The following CATSPERB variants were observed in gnomAD, a reference collection of about 807,000 sequenced individuals.
The protein encoded by CATSPERB is catsper channel auxiliary subunit beta, also known as cation channel sperm-associated auxiliary subunit beta.
Under a neutral mutation model 128.3 loss-of-function variants are expected in CATSPERB, and 93 were observed. The ratio of observed to expected loss-of-function variants is 0.72; its 90% CI spans 0.61 to 0.86. The LOEUF is 0.86. Ranked by LOEUF, CATSPERB falls within the 40% of genes least tolerant of loss-of-function variation. CATSPERB has a pLI of 0.00. For missense variants in CATSPERB, 1,153 were observed against 1,329.5 expected, an observed-to-expected ratio of 0.87 and a Z score of 2.06; for synonymous variants, 381 against 448.8, an observed-to-expected ratio of 0.85 and a Z score of 1.91.
intron 15 of CATSPERB, among the ~76,000 whole-genome samples, chr14:91,649,329 ATATGTGTGTGTG>A (rs893453218): frequency 2.3e-3 from 98 of 42,382 alleles, no homozygotes; most frequent in Non-Finnish European, 6.9e-4. Flanking sequence ...ATGTATACAT[ATATGTGTGTGTG>A]TGTGTGTGTG....
At chr14:91,709,694 A>T (rs1895802776) in intron 5 of CATSPERB, 1 of 149,040 alleles carries the variant, frequency 6.7e-6, no homozygotes, top group Admixed American at 6.6e-5. Flanking sequence ...CATCTCAAAA[A>T]AACAAAAAAA....
intron 5 of CATSPERB, among the ~76,000 whole-genome samples, chr14:91,713,774 A>C (rs1259205310): frequency 6.6e-6 from 1 of 152,150 alleles, no homozygotes; most frequent in African/African-American, 2.4e-5. Flanking sequence ...TTCTATAAAA[A>C]CTCATCCACA....
intron 7 of CATSPERB, among the ~76,000 whole-genome samples, chr14:91,701,785 C>T (rs1895654819): frequency 6.6e-6 from 1 of 151,880 alleles, no homozygotes; most frequent in Non-Finnish European, 1.5e-5. Context: ...GTGGCGTGTA[C>T]CTGTAGTCCC....
intron 18 of CATSPERB, among the ~76,000 whole-genome samples, chr14:91,622,604 ACT>A (rs1253769356): frequency 6.6e-6 from 1 of 152,100 alleles, no homozygotes; most frequent in East Asian, 1.9e-4. Context: ...TGTCATCAAT[ACT>A]CTCTTACTCT....
chr14:91,715,122 T>C (rs946350399), intron 5 of CATSPERB: 2 of 152,000 alleles, frequency 1.3e-5, no homozygotes, highest in Admixed American at 6.5e-5. Flanking sequence ...TTGCTGAAAG[T>C]ATAATTTTGG....
chr14:91,723,200 G>GAAA lies in CATSPERB; in HGVS notation c.169-12_169-11insTTT. On this transcript the variant is annotated splice_polypyrimidine_tract_variant and intron_variant, in intron 3 of 26. Transcript: ENST00000256343. Reference sequence around the variant, plus strand: ...GAAACACTGGATTTTCTTTAGGAAAGCAAGAAAAAAAAAAACAACTAATAA... The same window carrying GAAA: ...GAAACACTGGATTTTCTTTAGGAAAGAAACAAGAAAAAAAAAAACAACTAATAA... 1 of 1,373,190 alleles carries GAAA rather than the reference G, an allele frequency of 7.3e-7. No homozygotes were observed. The highest frequency in any genetic ancestry group is 9.4e-7 in the Non-Finnish European group (1 of 1,059,472). 85.1% of individuals were successfully genotyped at this position (1,373,190 alleles called of 1,614,324 possible).
intron 21 of CATSPERB, among the ~76,000 whole-genome samples, chr14:91,609,805 C>T (rs1456070705): frequency 6.6e-6 from 1 of 152,186 alleles, no homozygotes; most frequent in Admixed American, 6.5e-5. Context: ...GTGGCACCAT[C>T]TCCGCTCACT....
intron 17 of CATSPERB, among the ~76,000 whole-genome samples, chr14:91,633,121 C>CT (rs1894307592): frequency 6.6e-6 from 1 of 152,188 alleles, no homozygotes; most frequent in Non-Finnish European, 1.5e-5. Context: ...ATGTTCAACT[C>CT]TAACTGCTTC....
intron 6 of CATSPERB, among the ~76,000 whole-genome samples, chr14:91,707,004 T>G (rs1287115960): frequency 6.6e-6 from 1 of 152,220 alleles, no homozygotes; most frequent in Non-Finnish European, 1.5e-5. Flanking sequence ...AGAGTTATTC[T>G]CTACATAGCA....
rs548729352 is a variant in CATSPERB, at chr14:91,657,745, C to T, written c.1432+2092G>A. 6.6e-5 allele frequency among the ~76,000 whole-genome samples: 10 copies of T among 152,194 alleles called. No homozygotes were observed. In the South Asian group the frequency reaches 8.3e-4, roughly 13 times the overall value. ...CATTTCTCAAAAGATGACATACAAA[C>T]GGCAGACAGGCGTATGAAAAGGTGC... is the stretch of plus-strand genomic sequence containing the variant. On this transcript the variant is annotated intron_variant, in intron 15 of 26. Coordinates refer to ENST00000256343, the MANE Select transcript of CATSPERB (RefSeq NM_024764.4).
intron 22 of CATSPERB, chr14:91,592,250 A>C: frequency 2.1e-6 from 1 of 472,080 alleles, no homozygotes; most frequent in Non-Finnish European, 3.8e-6. Flanking sequence ...GTGCAGTTGC[A>C]TGGGACCTAG....
chr14:91,725,814 C>A (rs921315853), intron 2 of CATSPERB, among the ~76,000 whole-genome samples: 2 of 152,164 alleles, frequency 1.3e-5, no homozygotes. Context: ...AACCCACAGC[C>A]CTAATGAAAA....
At chr14:91,699,698 C>T (rs974562828) in intron 7 of CATSPERB, among the ~76,000 whole-genome samples, 1 of 151,422 alleles carries the variant, frequency 6.6e-6, no homozygotes, top group Admixed American at 6.6e-5. Flanking sequence ...CTCAGCCTCC[C>T]GAGTAGCTGG....
intron 20 of CATSPERB, among the ~76,000 whole-genome samples, chr14:91,611,902 TA>T (rs1302724093): frequency 1.3e-5 from 2 of 152,188 alleles, no homozygotes; most frequent in African/African-American, 2.4e-5. Context: ...ACTTATTAAA[TA>T]AATACCACTG....
intron 18 of CATSPERB, 78 bp from the exon 19 acceptor site, chr14:91,622,015 C>T: frequency 1.1e-6 from 1 of 908,756 alleles, no homozygotes. Flanking sequence ...ACATAGCTAA[C>T]AAATACACTG....
chr14:91,627,498 A>T (rs1894187146), intron 17 of CATSPERB, among the ~76,000 whole-genome samples: 1 of 152,238 alleles, frequency 6.6e-6, no homozygotes, highest in Non-Finnish European at 1.5e-5. Flanking sequence ...GTAGCTAAAA[A>T]GGGTAGTTAG....
intron 17 of CATSPERB, chr14:91,636,079 T>C: frequency 5.2e-6 from 1 of 192,270 alleles, no homozygotes; most frequent in Non-Finnish European, 1.1e-5. Flanking sequence ...TTAGATTCTA[T>C]TGGCCAGCTG....
chr14:91,584,059 CT>C (rs1490294723), intron 26 of CATSPERB, among the ~76,000 whole-genome samples: 22 of 151,790 alleles, frequency 1.4e-4, no homozygotes, highest in Admixed American at 1.4e-3. Flanking sequence ...TTTCAGGGTA[CT>C]TTCTTTTTTT....
intron 6 of CATSPERB, 98 bp from the exon 7 acceptor site, chr14:91,704,799 T>G: frequency 1.6e-6 from 2 of 1,250,946 alleles, no homozygotes; most frequent in Non-Finnish European, 1.1e-6. Context: ...GTAAAGAAAC[T>G]ATTCTATAGT....
Sources: gnomAD v4.1 joint callset for allele counts (sites outside exome capture counted in the v4.1 genomes callset) on GRCh38, gnomAD v4.1.1 for gene constraint, MANE v1.5 for transcripts, NCBI Gene and HGNC (gene_info 2026-07-23, HGNC 2026-07-21) for gene names.